The following ARHGEF33 variants were observed in gnomAD, a reference collection of about 807,000 sequenced individuals.
The protein encoded by ARHGEF33 is Rho guanine nucleotide exchange factor 33.
A neutral mutation model predicts 101.9 loss-of-function variants in ARHGEF33; 72 were observed. That is an observed-to-expected ratio of 0.71 (90% CI 0.58 to 0.86). The LOEUF is 0.86. Ranked by LOEUF, ARHGEF33 falls within the 40% of genes least tolerant of loss-of-function variation. The pLI is 0.00. For synonymous variants in ARHGEF33, 499 were observed against 442.5 expected (o/e 1.13, Z -1.60); for missense variants, 1,169 against 1,111.3 (o/e 1.05, Z -0.74).
intron 4 of ARHGEF33, among the ~76,000 whole-genome samples, chr2:38,922,759 G>A (rs1666788875): frequency 6.6e-6 from 1 of 152,202 alleles, no homozygotes; most frequent in African/African-American, 2.4e-5. Flanking sequence ...GATTGCGATA[G>A]AGGCATTGAT....
At chr2:38,944,958 C>G (rs1468808393) in intron 10 of ARHGEF33, among the ~76,000 whole-genome samples, 1 of 151,956 alleles carries the variant, frequency 6.6e-6, no homozygotes, top group African/African-American at 2.4e-5. Flanking sequence ...TGCCGCAACA[C>G]TCCACCTATA....
At chr2:38,972,817 G>T (rs1267626886) in intron 17 of ARHGEF33, among the ~76,000 whole-genome samples, 1 of 152,150 alleles carries the variant, frequency 6.6e-6, no homozygotes, top group Non-Finnish European at 1.5e-5. Context: ...TGGAGAACTT[G>T]GTCAGTTGTA....
At chr2:38,970,895 A>G (rs4670269) in intron 17 of ARHGEF33, among the ~76,000 whole-genome samples, 131,588 of 152,158 alleles carry the variant, frequency 0.86, 57,750 homozygotes, top group Non-Finnish European at 0.93. Context: ...CCTTTCTCAT[A>G]TATCAGTCCC....
At position 38,902,475 on chromosome 2, in the gene ARHGEF33, G is replaced by C. The variant is rs116448417; in HGVS notation, c.-86+6626G>C. On this transcript the variant is annotated intron_variant, in intron 2 of 17. Coordinates refer to ENST00000409978, the MANE Select transcript of ARHGEF33 (RefSeq NM_001145451.5). ...AAACAGGAGCTTATGACTTAGCCAA[G>C]TCACTTATCCTCTCTGGACCTCATT... Among the ~76,000 whole-genome samples, 964 of 152,334 alleles carry C rather than the reference G, an allele frequency of 6.3e-3. 13 individuals are homozygous for C. Among genetic ancestry groups the C allele is most frequent in the African/African-American group, 0.021 (890 of 41,572 alleles).
At chr2:38,929,596 T>G in intron 5 of ARHGEF33, 113 bp from the exon 6 acceptor site, 1 of 818,070 alleles carries the variant, frequency 1.2e-6, no homozygotes, top group Non-Finnish European at 1.7e-6. Flanking sequence ...AATCTCTCAT[T>G]CATTCATTCA....
At chr2:38,930,985 T>C in intron 6 of ARHGEF33, 124 bp from the exon 7 acceptor site, 1 of 685,810 alleles carries the variant, frequency 1.5e-6, no homozygotes, top group Non-Finnish European at 2.2e-6. Context: ...TTTTCAAAAA[T>C]AGCAATTTAT....
chr2:38,959,744 C>T, intron 15 of ARHGEF33, 97 bp from the exon 16 acceptor site: 1 of 1,319,836 alleles, frequency 7.6e-7, no homozygotes, highest in Non-Finnish European at 1.0e-6. Context: ...CATGCACAGG[C>T]GCCTCGGAGC....
At chr2:38,894,508 AAGCCC>A (rs1666078737) in intron 1 of ARHGEF33, among the ~76,000 whole-genome samples, 1 of 151,914 alleles carries the variant, frequency 6.6e-6, no homozygotes, top group Non-Finnish European at 1.5e-5. Flanking sequence ...ACAAACAAAC[AAGCCC>A]ACAAAGGTAG....
At chr2:38,952,767 C>T (rs1194046719) in intron 11 of ARHGEF33, among the ~76,000 whole-genome samples, 3 of 151,668 alleles carry the variant, frequency 2.0e-5, no homozygotes, top group African/African-American at 4.9e-5. Flanking sequence ...GGTGCAATCT[C>T]GGCTCACTGC....
chr2:38,901,662 C>A (rs1277597647), intron 2 of ARHGEF33, among the ~76,000 whole-genome samples: 1 of 152,194 alleles, frequency 6.6e-6, no homozygotes, highest in Non-Finnish European at 1.5e-5. Context: ...GCAATAATCA[C>A]CACTGGAGTC....
At chr2:38,932,445 T>C (rs1005301406) in intron 7 of ARHGEF33, among the ~76,000 whole-genome samples, 2 of 152,058 alleles carry the variant, frequency 1.3e-5, no homozygotes, top group Non-Finnish European at 2.9e-5. Context: ...TATTTTTATT[T>C]TTTTTTTACC....
chr2:38,937,367 A>G lies in ARHGEF33; in HGVS notation c.598A>G (p.Asn200Asp). 1 of 1,339,128 alleles carries G rather than the reference A, an allele frequency of 7.5e-7. No homozygotes were observed. The highest frequency in any genetic ancestry group is 9.8e-7 in the Non-Finnish European group (1 of 1,016,322). 83.0% of individuals were successfully genotyped at this position (1,339,128 alleles called of 1,614,324 possible). A position where few individuals can be genotyped will look rare whatever the true frequency, so the allele number is the denominator to read the frequency against. Residue 200 changes from asparagine to aspartate, a missense_variant, in exon 9 of 18, where the codon AAC (asparagine) becomes GAC (aspartate). Coordinates refer to ENST00000409978, the MANE Select transcript of ARHGEF33 (RefSeq NM_001145451.5). Reference sequence around the variant, plus strand: ...CCCAACAACTCCAGAAGCAGAAGAAAACCTCAAGTCTTGCCTCTCGGCTGA... The same window carrying G: ...CCCAACAACTCCAGAAGCAGAAGAAGACCTCAAGTCTTGCCTCTCGGCTGA... ...VNPTTPEAEE[N>D]LKSCLSADIQ...
At position 38,937,368 on chromosome 2, in the gene ARHGEF33, A is replaced by G; in HGVS notation, c.599A>G (p.Asn200Ser). The change falls in exon 9 of 18, where the codon AAC becomes AGC. Residue 200 changes from asparagine to serine, a missense_variant. By Grantham distance (46) the Asn-to-Ser change is conservative (BLOSUM62 1). Coordinates refer to ENST00000409978, the MANE Select transcript of ARHGEF33 (RefSeq NM_001145451.5). ...VNPTTPEAEE[N>S]LKSCLSADIQ... ...CCAACAACTCCAGAAGCAGAAGAAAACCTCAAGTCTTGCCTCTCGGCTGAT... is the reference window on the plus strand; with the variant it reads ...CCAACAACTCCAGAAGCAGAAGAAAGCCTCAAGTCTTGCCTCTCGGCTGAT... 1 of 1,340,390 alleles carries G rather than the reference A, an allele frequency of 7.5e-7. No homozygotes were observed. The allele number at this position is 1,340,390 out of a possible 1,614,324, so 83.0% of individuals were successfully genotyped here. A position where few individuals can be genotyped will look rare whatever the true frequency, so the allele number is the denominator to read the frequency against.
chr2:38,901,707 G>A (rs1162512174), intron 2 of ARHGEF33, among the ~76,000 whole-genome samples: 1 of 152,132 alleles, frequency 6.6e-6, no homozygotes, highest in Non-Finnish European at 1.5e-5. Context: ...CAGCAGACTC[G>A]GAGAGGGTAA....
rs1286985538 is a variant in ARHGEF33 at position 38,921,260 on chromosome 2, G to C, written c.26-114G>C. 1.5e-5 allele frequency: 10 copies of C among 683,896 alleles called. No individual in the cohort carries two copies. In the East Asian group the frequency reaches 2.5e-4, roughly 17 times the overall value. 42.4% of individuals were successfully genotyped at this position (683,896 alleles called of 1,614,324 possible). On this transcript the variant is annotated intron_variant, in intron 3 of 17. Transcript: ENST00000409978. ...GTTCCCCTGGAATCATTGGTTTCTTGTCGTGCGGGCACAAATGTAGGATCC... is the reference window on the plus strand; with the variant it reads ...GTTCCCCTGGAATCATTGGTTTCTTCTCGTGCGGGCACAAATGTAGGATCC...
chr2:38,915,366 G>A (rs1001484341), intron 2 of ARHGEF33, among the ~76,000 whole-genome samples: 1 of 147,946 alleles, frequency 6.8e-6, no homozygotes, highest in Non-Finnish European at 1.5e-5. Context: ...TTTCTCTAAC[G>A]TAGTTTTTTT....
chr2:38,946,910 G>A (rs1045227795), intron 10 of ARHGEF33, among the ~76,000 whole-genome samples: 11 of 152,170 alleles, frequency 7.2e-5, no homozygotes, highest in Admixed American at 2.6e-4. Flanking sequence ...ACAGGTGTGA[G>A]CCACTGTGCC....
intron 9 of ARHGEF33, 109 bp from the exon 10 acceptor site, chr2:38,943,791 GT>G (rs11323587): frequency 0.82 from 778,498 of 944,050 alleles, 321,382 homozygotes; most frequent in Non-Finnish European, 0.86. Flanking sequence ...CTTGCAGATG[GT>G]TTTTTTTTTA....
intron 7 of ARHGEF33, among the ~76,000 whole-genome samples, chr2:38,932,317 G>T (rs992943376): frequency 8.5e-5 from 13 of 152,118 alleles, no homozygotes; most frequent in African/African-American, 3.1e-4. Context: ...GTAGAGACAG[G>T]GGTTTCACCA....
Sources: gnomAD v4.1 joint callset for allele counts (sites outside exome capture counted in the v4.1 genomes callset) on GRCh38, gnomAD v4.1.1 for gene constraint, MANE v1.5 for transcripts, NCBI Gene and HGNC (gene_info 2026-07-23, HGNC 2026-07-21) for gene names.